Variants in RNLS observed in about 807,000 individuals in gnomAD.
The protein encoded by RNLS is renalase.
A neutral mutation model predicts 39.8 loss-of-function variants in RNLS; 39 were observed. The observed-to-expected ratio is 0.98, with a 90% CI of 0.76 to 1.28. The LOEUF is 1.28. Among genes scored for constraint, RNLS ranks in the 50% most tolerant of loss-of-function variants. The pLI is 0.00. For missense variants in RNLS, 410 were observed against 413.3 expected (o/e 0.99, Z 0.07); for synonymous variants, 147 against 150.7 (o/e 0.98, Z 0.18).
At chr10:88,477,927 G>T (rs1463463303) in intron 4 of RNLS, among the ~76,000 whole-genome samples, 4 of 152,214 alleles carry the variant, frequency 2.6e-5, no homozygotes, top group Middle Eastern at 3.2e-3. Flanking sequence ...GAGGTTCACA[G>T]TATGTGTCTG....
At chr10:88,339,643 A>C (rs1847786470) in intron 5 of RNLS, among the ~76,000 whole-genome samples, 4 of 152,256 alleles carry the variant, frequency 2.6e-5, no homozygotes. Flanking sequence ...GACCAGGGAC[A>C]AGCTGAATTA....
rs950111708 is a variant in RNLS at position 88,463,572 on chromosome 10, G to C, written c.527-100847C>G. 9.9e-5 allele frequency among the ~76,000 whole-genome samples: 15 copies of C among 151,834 alleles called. 1 individual carries two copies. Among genetic ancestry groups the C allele is most frequent in the Admixed American group, 3.3e-4 (5 of 15,202 alleles). The stretch of plus-strand genomic sequence containing the variant: ...AATTCTTCTTGGAAACATGATGAAG[G>C]ATCATGGAAATTTTAAACTAGATTT... On this transcript the variant is annotated intron_variant, in intron 4 of 6. Transcript: ENST00000331772.
At chr10:88,330,080 T>C (rs1846985615) in intron 5 of RNLS, among the ~76,000 whole-genome samples, 1 of 135,032 alleles carries the variant, frequency 7.4e-6, no homozygotes, top group Non-Finnish European at 1.6e-5. Flanking sequence ...GATATATATA[T>C]ATATATATAT....
intron 5 of RNLS, among the ~76,000 whole-genome samples, chr10:88,359,219 G>C (rs1411999874): frequency 1.3e-5 from 2 of 152,046 alleles, no homozygotes; most frequent in Non-Finnish European, 2.9e-5. Flanking sequence ...GGGAGCCTGA[G>C]GCAGGAGAAT....
the RNLS span, among the ~76,000 whole-genome samples, chr10:88,198,342 G>A: frequency 6.6e-6 from 1 of 152,200 alleles, no homozygotes; most frequent in Non-Finnish European, 1.5e-5. Flanking sequence ...TTTGATCAGG[G>A]TAGACCTTTT....
At chr10:88,551,660 A>G (rs900636900) in intron 4 of RNLS, among the ~76,000 whole-genome samples, 22 of 152,154 alleles carry the variant, frequency 1.4e-4, no homozygotes, top group African/African-American at 5.1e-4. Context: ...GAATTGGAAG[A>G]GACTGGAGAA....
At chr10:88,381,253 G>T (rs1404170081) in intron 4 of RNLS, among the ~76,000 whole-genome samples, 3 of 151,992 alleles carry the variant, frequency 2.0e-5, no homozygotes, top group Non-Finnish European at 4.4e-5. Context: ...ATGTCTTCTT[G>T]TATATTAACA....
intron 4 of RNLS, among the ~76,000 whole-genome samples, chr10:88,572,106 TC>T (rs973907894): frequency 6.6e-5 from 10 of 152,038 alleles, no homozygotes; most frequent in Non-Finnish European, 1.2e-4. Context: ...GCTATCCACC[TC>T]CCCTACTCCC....
At chr10:88,370,867 GA>G (rs1850506789) in intron 4 of RNLS, among the ~76,000 whole-genome samples, 1 of 152,072 alleles carries the variant, frequency 6.6e-6, no homozygotes, top group African/African-American at 2.4e-5. Context: ...ACTTCACCTG[GA>G]ATAAATTGAA....
downstream of RNLS, among the ~76,000 whole-genome samples, chr10:88,282,749 C>T (rs896695368): frequency 2.6e-5 from 4 of 151,986 alleles, no homozygotes; most frequent in African/African-American, 9.7e-5. Context: ...TTCAGAAATG[C>T]CAAAGGTGAA....
At chr10:88,274,787 C>A in exon 7 of RNLS, 1 of 488,244 alleles carries the variant, frequency 2.0e-6, no homozygotes, top group South Asian at 2.8e-5. Flanking sequence ...ATAGTAGCTA[C>A]ATCATTTTAC....
intron 5 of RNLS, among the ~76,000 whole-genome samples, chr10:88,350,999 T>C (rs1182150753): frequency 6.6e-6 from 1 of 152,234 alleles, no homozygotes; most frequent in East Asian, 1.9e-4. Flanking sequence ...GGAGCATTTT[T>C]TCATGTGTCT....
intron 6 of RNLS, among the ~76,000 whole-genome samples, chr10:88,294,447 G>GT (rs199693450): frequency 9.1e-4 from 136 of 149,680 alleles, no homozygotes; most frequent in Middle Eastern, 3.5e-3. Flanking sequence ...TTGAAAACAG[G>GT]TTTTTTTTTT....
chr10:88,290,851 TTTC>T (rs1294714236), intron 6 of RNLS, among the ~76,000 whole-genome samples: 2 of 152,182 alleles, frequency 1.3e-5, no homozygotes, highest in African/African-American at 4.8e-5. Flanking sequence ...TTTCTTGGGT[TTTC>T]TTCTGAGCTG....
At chr10:88,458,867 T>C (rs1842779971) in intron 4 of RNLS, among the ~76,000 whole-genome samples, 1 of 152,256 alleles carries the variant, frequency 6.6e-6, no homozygotes, top group South Asian at 2.1e-4. Flanking sequence ...TCTAAGGGCA[T>C]ATTTCACAGA....
chr10:88,305,872 T>C (rs568040117), intron 6 of RNLS, among the ~76,000 whole-genome samples: 21 of 152,296 alleles, frequency 1.4e-4, no homozygotes, highest in African/African-American at 5.1e-4. Context: ...CAACAGACTA[T>C]ACATTCTTCT....
At chr10:88,327,625 A>G (rs936453459) in intron 5 of RNLS, among the ~76,000 whole-genome samples, 2 of 152,204 alleles carry the variant, frequency 1.3e-5, no homozygotes, top group Admixed American at 6.5e-5. Flanking sequence ...CAGAGTGAAA[A>G]TAGACTAAGG....
At chr10:88,337,823 T>G (rs561574726) in intron 5 of RNLS, among the ~76,000 whole-genome samples, 1 of 152,340 alleles carries the variant, frequency 6.6e-6, no homozygotes, top group South Asian at 2.1e-4. Context: ...ACTATTCTAG[T>G]GTGTGAAGCC....
At chr10:88,273,557 T>C (rs1842708879), downstream of RNLS, among the ~76,000 whole-genome samples, 1 of 152,232 alleles carries the variant, frequency 6.6e-6, no homozygotes, top group Non-Finnish European at 1.5e-5. Context: ...TTTTGATCTA[T>C]TAGAATTTAT....
Sources: gnomAD v4.1 joint callset for allele counts (sites outside exome capture counted in the v4.1 genomes callset) on GRCh38, gnomAD v4.1.1 for gene constraint, MANE v1.5 for transcripts, NCBI Gene and HGNC (gene_info 2026-07-23, HGNC 2026-07-21) for gene names.